Variants in PPM1B observed in about 807,000 individuals in gnomAD.
PPM1B encodes the protein protein phosphatase 1B.
Under a neutral mutation model 43.0 loss-of-function variants are expected in PPM1B, and 22 were observed. The observed-to-expected ratio is 0.51, with a 90% confidence interval of 0.37 to 0.73. PPM1B has a LOEUF of 0.73. Among genes scored for constraint, PPM1B ranks in the 30% least tolerant of loss-of-function variants. The probability of loss-of-function intolerance (pLI) is 0.00; values close to 1 mark genes in which losing one functional copy is unlikely to be tolerated. For synonymous variants in PPM1B, 217 were observed against 197.9 expected (o/e 1.10, Z -0.81); for missense variants, 632 against 584.2 (o/e 1.08, Z -0.84).
At chr2:44,222,563 T>C (rs1670022759) in intron 5 of PPM1B, among the ~76,000 whole-genome samples, 1 of 152,152 alleles carries the variant, frequency 6.6e-6, no homozygotes, top group Non-Finnish European at 1.5e-5. Context: ...AGGCCCCTTA[T>C]TTATACACAC....
At chr2:44,194,220 TC>T (rs560525733) in intron 1 of PPM1B, among the ~76,000 whole-genome samples, 61 of 152,294 alleles carry the variant, frequency 4.0e-4, no homozygotes, top group African/African-American at 1.4e-3. Context: ...TTTGGATAGC[TC>T]CTCATATTTA....
intron 1 of PPM1B, among the ~76,000 whole-genome samples, chr2:44,179,352 T>C (rs1347229172): frequency 6.6e-6 from 1 of 152,242 alleles, no homozygotes; most frequent in Non-Finnish European, 1.5e-5. Flanking sequence ...ATCCATTGTG[T>C]ATTTTACACT....
rs139947587 is a variant in PPM1B at position 44,241,384 on chromosome 2, A to G, written n.1547-2844A>G. On this transcript the variant is annotated intron_variant and non_coding_transcript_variant, in intron 5 of 5. Coordinates refer to the PPM1B transcript ENST00000378540. Reference sequence around the variant, plus strand: ...CAGCTTGGTCATATCTCAATTCACAATTGGGTTTTGTACTGTGTCGGGAAT... The same window carrying G: ...CAGCTTGGTCATATCTCAATTCACAGTTGGGTTTTGTACTGTGTCGGGAAT... Among the ~76,000 whole-genome samples the G allele has an allele frequency of 3.3e-4, 47 of 144,034 alleles. 1 individual carries two copies. The highest frequency in any genetic ancestry group is 1.1e-3 in the African/African-American group (43 of 40,560). 94.5% of individuals were successfully genotyped at this position (144,034 alleles called of 152,430 possible). A position where few individuals can be genotyped will look rare whatever the true frequency, so the allele number is the denominator to read the frequency against.
intron 1 of PPM1B, among the ~76,000 whole-genome samples, chr2:44,195,760 TGA>T (rs1303439100): frequency 3.3e-5 from 5 of 152,236 alleles, no homozygotes; most frequent in Non-Finnish European, 5.9e-5. Context: ...GTCTTCAATC[TGA>T]ACAAGACTTA....
chr2:44,214,297 G>A (rs908823162), intron 3 of PPM1B, among the ~76,000 whole-genome samples: 3 of 151,838 alleles, frequency 2.0e-5, no homozygotes, highest in Admixed American at 6.6e-5. Context: ...GCTCAATCTC[G>A]TGACCTCGTG....
rs183599778 is a variant in PPM1B at position 44,180,838 on chromosome 2, A to G, written c.-15+11564A>G. On this transcript the variant is annotated intron_variant, in intron 1 of 5. Coordinates refer to ENST00000282412, the MANE Select transcript of PPM1B (RefSeq NM_002706.6). ...TACCTACTAGATGCCAAGGTCACGA[A>G]TTAGGGTGGGAAAGGAGCTAAGAAG... Among the ~76,000 whole-genome samples, 3 of 152,036 alleles carry G rather than the reference A, an allele frequency of 2.0e-5. No homozygotes were observed. The East Asian group carries it at 5.8e-4, about 29-fold the overall frequency.
intron 2 of PPM1B, among the ~76,000 whole-genome samples, chr2:44,203,439 G>A (rs1005264793): frequency 1.3e-5 from 2 of 151,048 alleles, no homozygotes; most frequent in African/African-American, 4.9e-5. Flanking sequence ...TTTGTTGCCT[G>A]ACTAGCTAAT....
At chr2:44,210,187 TA>T (rs1411830332) in intron 3 of PPM1B, among the ~76,000 whole-genome samples, 1 of 151,912 alleles carries the variant, frequency 6.6e-6, no homozygotes, top group African/African-American at 2.4e-5. Context: ...TTATTTTACA[TA>T]TTTTTTTAAA....
intron 5 of PPM1B, among the ~76,000 whole-genome samples, chr2:44,242,970 C>G (rs552979162): frequency 1.3e-5 from 2 of 152,096 alleles, no homozygotes; most frequent in Admixed American, 6.6e-5. Context: ...AAGATATTCA[C>G]AGATTGGACT....
chr2:44,224,528 A>T (rs1670128681), intron 5 of PPM1B, among the ~76,000 whole-genome samples: 1 of 151,928 alleles, frequency 6.6e-6, no homozygotes, highest in Non-Finnish European at 1.5e-5. Flanking sequence ...CTGCAAATAA[A>T]TATTAGCTGG....
intron 1 of PPM1B, among the ~76,000 whole-genome samples, chr2:44,198,755 C>G (rs1668781276): frequency 6.6e-6 from 1 of 152,160 alleles, no homozygotes; most frequent in South Asian, 2.1e-4. Context: ...TCGGACCAGA[C>G]CTATGTGCAG....
chr2:44,236,415 A>AAAAAAAAG (rs1670614933), downstream of PPM1B, among the ~76,000 whole-genome samples: 1 of 148,912 alleles, frequency 6.7e-6, no homozygotes, highest in Non-Finnish European at 1.5e-5. Flanking sequence ...AAAAAAAAAA[A>AAAAAAAAG]AAAAAAAAAA....
At chr2:44,197,001 T>TGC (rs1668691596) in intron 1 of PPM1B, among the ~76,000 whole-genome samples, 1 of 152,212 alleles carries the variant, frequency 6.6e-6, no homozygotes, top group Non-Finnish European at 1.5e-5. Flanking sequence ...AGGCTTACCT[T>TGC]TTAGTTTTCA....
At chr2:44,178,776 TTC>T (rs1291252129) in intron 1 of PPM1B, among the ~76,000 whole-genome samples, 2 of 152,052 alleles carry the variant, frequency 1.3e-5, no homozygotes, top group African/African-American at 2.4e-5. Context: ...AGCCAAAAGT[TTC>T]TGTTGTTTTA....
At chr2:44,198,223 C>T (rs897207575) in intron 1 of PPM1B, among the ~76,000 whole-genome samples, 1 of 152,288 alleles carries the variant, frequency 6.6e-6, no homozygotes, top group Admixed American at 6.5e-5. Flanking sequence ...TACAGTGGCA[C>T]GATCCCGGCT....
chr2:44,188,467 C>G (rs554192047), intron 1 of PPM1B, among the ~76,000 whole-genome samples: 175 of 145,494 alleles, frequency 1.2e-3, no homozygotes, highest in African/African-American at 4.3e-3. Flanking sequence ...ACGATCATGG[C>G]TCACTGCAGC....
intron 5 of PPM1B, among the ~76,000 whole-genome samples, chr2:44,227,821 A>G (rs1670285868): frequency 6.6e-6 from 1 of 151,616 alleles, no homozygotes; most frequent in Non-Finnish European, 1.5e-5. Flanking sequence ...TGCCCGGCCC[A>G]GTATCATCCA....
chr2:44,179,611 G>T lies in PPM1B; in HGVS notation c.-15+10337G>T, dbSNP rs185764312. Among the ~76,000 whole-genome samples, 35 of 152,226 alleles carry T rather than the reference G, an allele frequency of 2.3e-4. No homozygotes were observed. In the East Asian group the frequency reaches 6.4e-3, roughly 28 times the overall value. On this transcript the variant is annotated intron_variant, in intron 1 of 5. Transcript: ENST00000282412. ...GGCATAAATATGGAATTACTTTGCCGTTGGAATGCAGGTGTTTATTTTGTT... is the reference window on the plus strand; with the variant it reads ...GGCATAAATATGGAATTACTTTGCCTTTGGAATGCAGGTGTTTATTTTGTT...
At position 44,178,306 on chromosome 2, in the gene PPM1B, A is replaced by G. The variant is rs908655801; in HGVS notation, c.-15+9032A>G. On this transcript the variant is annotated intron_variant, in intron 1 of 5. Coordinates refer to ENST00000282412, the MANE Select transcript of PPM1B (RefSeq NM_002706.6). ...AATGGTCTAAAACCATTTACATGCC[A>G]TATATATATGCGAGAATTTCTCTAG... Among the ~76,000 whole-genome samples the G allele has an allele frequency of 6.6e-5, 10 of 151,808 alleles. No individual in the cohort carries two copies. In the East Asian group the frequency reaches 1.7e-3, roughly 27 times the overall value.
Sources: allele counts gnomAD v4.1 joint callset (sites outside exome capture counted in the v4.1 genomes callset), GRCh38; gene constraint gnomAD v4.1.1; transcripts MANE v1.5; gene names NCBI Gene and HGNC (gene_info 2026-07-23, HGNC 2026-07-21).